Variants in AP1G1 observed in about 807,000 individuals in gnomAD.
AP1G1 encodes the protein AP-1 complex subunit gamma-1.
A neutral mutation model predicts 108.3 loss-of-function variants in AP1G1; 7 were observed. The ratio of observed to expected loss-of-function variants is 0.06; its 90% CI spans 0.04 to 0.12. AP1G1 has a LOEUF of 0.12. Among genes scored for constraint, AP1G1 ranks in the 10% least tolerant of loss-of-function variants. AP1G1 has a pLI of 1.00. For synonymous variants in AP1G1, 379 were observed against 353.5 expected, an observed-to-expected ratio of 1.07 and a Z score of -0.81; for missense variants, 756 against 1,010.7, an observed-to-expected ratio of 0.75 and a Z score of 3.42.
chr16:71,803,788 G>T (rs1028233737), intron 1 of AP1G1, among the ~76,000 whole-genome samples: 4 of 151,896 alleles, frequency 2.6e-5, no homozygotes, highest in Admixed American at 6.6e-5. Context: ...AGCTAGGCAT[G>T]GTGGCGCACA....
intron 1 of AP1G1, among the ~76,000 whole-genome samples, chr16:71,793,321 A>G (rs2032469623): frequency 6.6e-6 from 1 of 152,226 alleles, no homozygotes; most frequent in African/African-American, 2.4e-5. Context: ...ATAGAGAGTG[A>G]CACATCAACA....
At chr16:71,757,853 G>T (rs2030878758) in intron 11 of AP1G1, among the ~76,000 whole-genome samples, 3 of 152,166 alleles carry the variant, frequency 2.0e-5, no homozygotes, top group Admixed American at 2.0e-4. Flanking sequence ...TCCCAGGACT[G>T]CCCCTTACAA....
intron 9 of AP1G1, among the ~76,000 whole-genome samples, 155 bp downstream of exon 9, chr16:71,764,195 T>C (rs772291646): frequency 2.6e-5 from 4 of 152,156 alleles, no homozygotes; most frequent in Non-Finnish European, 4.4e-5. Flanking sequence ...TGGGAAGGAA[T>C]ATTTCAGATA....
chr16:71,776,982 G>A (rs543051718), intron 2 of AP1G1, among the ~76,000 whole-genome samples: 30 of 151,760 alleles, frequency 2.0e-4, no homozygotes, highest in African/African-American at 5.6e-4. Flanking sequence ...GGTGGTGGGC[G>A]CCTGTAATCC....
intron 2 of AP1G1, among the ~76,000 whole-genome samples, chr16:71,785,120 T>A (rs1340973307): frequency 6.6e-6 from 1 of 151,926 alleles, no homozygotes; most frequent in Non-Finnish European, 1.5e-5. Context: ...ATACAGTATG[T>A]ACTTTACACT....
intron 2 of AP1G1, among the ~76,000 whole-genome samples, chr16:71,782,491 T>TTATTATTA (rs1567658638): frequency 6.3e-5 from 8 of 126,146 alleles, no homozygotes; most frequent in African/African-American, 2.6e-4. Flanking sequence ...TATTATTATT[T>TTATTATTA]TTATTATTAT....
In AP1G1 at chr16:71,731,342, T is replaced by C. The variant is rs1446546504; in HGVS notation, c.*1716A>G. 1 of 152,620 alleles carries C rather than the reference T, an allele frequency of 6.6e-6. No homozygotes were observed. The highest frequency in any genetic ancestry group is 1.5e-5 in the Non-Finnish European group (1 of 68,038). 9.5% of individuals were successfully genotyped at this position (152,620 alleles called of 1,614,324 possible). On this transcript the variant is annotated 3_prime_UTR_variant, in exon 23 of 23. Transcript: ENST00000299980. ...TAGTTCAACTCCAGTTTGTCAAATG[T>C]TAGGAATATTCCAGCATCTGATACA...
rs1274282353 is a variant in AP1G1, at chr16:71,730,706, T to G, written c.*2352A>C. 6.5e-6 allele frequency: 1 copy of G among 152,674 alleles called. No homozygotes were observed. The highest frequency in any genetic ancestry group is 1.5e-5 in the Non-Finnish European group (1 of 68,054). 9.5% of individuals were successfully genotyped at this position (152,674 alleles called of 1,614,324 possible). A position where few individuals can be genotyped will look rare whatever the true frequency, so the allele number is the denominator to read the frequency against. ...TAGGCAGTTATTTGGCTGCTAGTCC[T>G]TCAGTATGGTGCTTGTGTTCTGATT... On this transcript the variant is annotated 3_prime_UTR_variant, in exon 23 of 23. Coordinates refer to ENST00000299980, the MANE Select transcript of AP1G1 (RefSeq NM_001128.6).
At chr16:71,747,824 A>G (rs1012569420) in intron 16 of AP1G1, among the ~76,000 whole-genome samples, 1 of 152,072 alleles carries the variant, frequency 6.6e-6, no homozygotes, top group Non-Finnish European at 1.5e-5. Context: ...TCTACAAAAA[A>G]ATGTAAAAAT....
At chr16:71,734,480 G>C in intron 22 of AP1G1, 129 bp downstream of exon 22, 1 of 749,280 alleles carries the variant, frequency 1.3e-6, no homozygotes, top group Non-Finnish European at 2.3e-6. Context: ...AAGGAAGTTA[G>C]ACCAGGCATT....
Position 71,734,677 on chromosome 16 carries a change from T to C in AP1G1, c.2299A>G (p.Ser767Gly). Residue 767 changes from serine (S) to glycine (G), a missense_variant, in exon 22 of 23, where the codon AGC becomes GGC. Coordinates refer to ENST00000299980, the MANE Select transcript of AP1G1 (RefSeq NM_001128.6). ...GTGTTAAATGCTGGGACAATGCTGCTGCTAGGAGACAAGAGCTGCAGCTGG... is the reference window on the plus strand; with the variant it reads ...GTGTTAAATGCTGGGACAATGCTGCCGCTAGGAGACAAGAGCTGCAGCTGG... ...TFQLQLLSPS[S>G]SIVPAFNTGT... 3 of 1,614,074 alleles carry C rather than the reference T, an allele frequency of 1.9e-6. No individual in the cohort carries two copies. The highest frequency in any genetic ancestry group is 1.7e-6 in the Non-Finnish European group (2 of 1,179,950).
rs2032368254 is a variant in AP1G1, at chr16:71,790,690, A to G, written c.-3-1208T>C. Among the ~76,000 whole-genome samples, 4 of 152,254 alleles carry G rather than the reference A, an allele frequency of 2.6e-5. No homozygotes were observed. The South Asian group carries it at 8.3e-4, about 32-fold the overall frequency. On this transcript the variant is annotated intron_variant, in intron 1 of 22. Coordinates refer to ENST00000299980, the MANE Select transcript of AP1G1 (RefSeq NM_001128.6). ...AACTATTTCTCTCCATGGGGGAAAAAAATTAACCTCAATCCTAACCACACA... is the reference window on the plus strand; with the variant it reads ...AACTATTTCTCTCCATGGGGGAAAAGAATTAACCTCAATCCTAACCACACA...
intron 1 of AP1G1, among the ~76,000 whole-genome samples, chr16:71,796,936 G>A (rs1053643442): frequency 6.6e-6 from 1 of 151,782 alleles, no homozygotes; most frequent in Non-Finnish European, 1.5e-5. Flanking sequence ...CTGGGAGGCC[G>A]AGGAGGGCAG....
In AP1G1 at chr16:71,738,924, A is replaced by T; in HGVS notation, c.2268+18T>A. On this transcript the variant is annotated intron_variant, in intron 21 of 22. Coordinates refer to ENST00000299980, the MANE Select transcript of AP1G1 (RefSeq NM_001128.6). ...AATCTTTAATCAAAGGAAACATCTA[A>T]AGAAGACATTGTAGTACCTTTGGTA... 6.2e-7 allele frequency: 1 copy of T among 1,600,100 alleles called. No homozygotes were observed. The highest frequency in any genetic ancestry group is 8.5e-7 in the Non-Finnish European group (1 of 1,174,670).
chr16:71,794,787 T>A (rs1309762406), intron 1 of AP1G1, among the ~76,000 whole-genome samples: 1 of 145,878 alleles, frequency 6.9e-6, no homozygotes, highest in Non-Finnish European at 1.5e-5. Context: ...CCTTTAAGGA[T>A]AAAGATTTTT....
At chr16:71,764,585 A>T in intron 8 of AP1G1, 61 bp downstream of exon 8, 1 of 1,379,958 alleles carries the variant, frequency 7.2e-7, no homozygotes, top group Non-Finnish European at 9.9e-7. Context: ...ATATAACCAT[A>T]ATCATTCTAC....
intron 1 of AP1G1, among the ~76,000 whole-genome samples, chr16:71,800,822 C>T (rs1444626479): frequency 6.7e-6 from 1 of 149,914 alleles, no homozygotes; most frequent in Non-Finnish European, 1.5e-5. Flanking sequence ...AGAAAGAAAC[C>T]CCATCTCTAC....
chr16:71,774,129 G>C (rs539671566), intron 3 of AP1G1, among the ~76,000 whole-genome samples: 39 of 146,572 alleles, frequency 2.7e-4, no homozygotes, highest in Non-Finnish European at 5.5e-4. Context: ...TGTAACCCTA[G>C]TACTTTGGGA....
chr16:71,794,889 C>T (rs981405185), intron 1 of AP1G1, among the ~76,000 whole-genome samples: 2 of 106,418 alleles, frequency 1.9e-5, no homozygotes, highest in Admixed American at 2.6e-4. Flanking sequence ...ATTTTTCCCA[C>T]TAAATACAAG....
Sources: allele counts gnomAD v4.1 joint callset (sites outside exome capture counted in the v4.1 genomes callset), GRCh38; gene constraint gnomAD v4.1.1; transcripts MANE v1.5; gene names NCBI Gene and HGNC (gene_info 2026-07-23, HGNC 2026-07-21).